AAK1: variants seen among roughly 807,000 people sequenced by gnomAD.
AAK1 encodes AP2 associated kinase 1.
A neutral mutation model predicts 116.0 loss-of-function variants in AAK1; 37 were observed. The ratio of observed to expected loss-of-function variants is 0.32; its 90% CI spans 0.25 to 0.42. The LOEUF is 0.42. Ranked by LOEUF, AAK1 falls within the 10% of genes least tolerant of loss-of-function variation. The pLI, the probability that AAK1 is intolerant of heterozygous loss-of-function variation, is 1.00. For missense variants in AAK1, 919 were observed against 1,170.6 expected (o/e 0.79, Z 3.14); for synonymous variants, 458 against 439.9 (o/e 1.04, Z -0.51).
At chr2:69,555,710 C>A (rs1054015950) in intron 3 of AAK1, among the ~76,000 whole-genome samples, 1 of 152,142 alleles carries the variant, frequency 6.6e-6, no homozygotes, top group African/African-American at 2.4e-5. Context: ...AAATAACTTA[C>A]TTCCTGATAG....
At chr2:69,490,426 T>A (rs561450438) in intron 17 of AAK1, among the ~76,000 whole-genome samples, 1 of 152,078 alleles carries the variant, frequency 6.6e-6, no homozygotes, top group African/African-American at 2.4e-5. Flanking sequence ...CATTAACAGA[T>A]GAAAGGAGAA....
In AAK1 at chr2:69,473,251, G is replaced by C. The variant is rs1422048927; in HGVS notation, c.*2618C>G. ...CCCGACCCTGTTCAATCCAGCTCAG[G>C]TCCCACACCTGTAAAATGAAGAGGA... On this transcript the variant is annotated 3_prime_UTR_variant, in exon 22 of 22. Transcript: ENST00000409085. 1 of 951,958 alleles carries C rather than the reference G, an allele frequency of 1.1e-6. No individual in the cohort carries two copies. Among genetic ancestry groups the C allele is most frequent in the East Asian group, 1.2e-4 (1 of 8,652 alleles). 59.0% of individuals were successfully genotyped at this position (951,958 alleles called of 1,614,324 possible).
At chr2:69,552,582 G>A (rs530070245) in intron 3 of AAK1, among the ~76,000 whole-genome samples, 4 of 151,984 alleles carry the variant, frequency 2.6e-5, no homozygotes, top group South Asian at 2.1e-4. Context: ...ATGGTGGCGC[G>A]TACCTGTACT....
intron 17 of AAK1, among the ~76,000 whole-genome samples, chr2:69,493,354 GCC>G (rs1314125642): frequency 7.9e-5 from 12 of 151,982 alleles, no homozygotes; most frequent in African/African-American, 2.9e-4. Flanking sequence ...ATTCTCATCA[GCC>G]CAGGGACTGG....
chr2:69,465,877 C>T lies in AAK1; in HGVS notation c.*9992G>A, dbSNP rs147076921. On this transcript the variant is annotated 3_prime_UTR_variant, in exon 22 of 22. Transcript: ENST00000409085. ...GTGTACACAGCTCTCTCACGGCCCG[C>T]GGGCAGGGGGACATCACCTGTCTGA... is the stretch of plus-strand genomic sequence containing the variant. 8.0e-4 allele frequency: 1,037 copies of T among 1,290,792 alleles called. 11 individuals carry two copies. In the African/African-American group the frequency reaches 0.014, roughly 17 times the overall value. The allele number at this position is 1,290,792 out of a possible 1,614,324, so 80.0% of individuals were successfully genotyped here.
At chr2:69,587,978 G>C in intron 2 of AAK1, among the ~76,000 whole-genome samples, 1 of 151,822 alleles carries the variant, frequency 6.6e-6, no homozygotes, top group East Asian at 1.9e-4. Flanking sequence ...GTCCAGGCTG[G>C]TCTTGAACCC....
At chr2:69,570,443 T>G (rs1672049151) in intron 2 of AAK1, among the ~76,000 whole-genome samples, 1 of 152,104 alleles carries the variant, frequency 6.6e-6, no homozygotes, top group South Asian at 2.1e-4. Flanking sequence ...ATTGTGATTA[T>G]CTTGGATGTG....
At chr2:69,595,135 T>C (rs1673213712) in intron 2 of AAK1, 1 of 496,808 alleles carries the variant, frequency 2.0e-6, no homozygotes, top group South Asian at 1.7e-5. Flanking sequence ...GTTTTTGAGA[T>C]GGAGTTTCAC....
intron 2 of AAK1, among the ~76,000 whole-genome samples, chr2:69,581,333 T>C (rs1048970164): frequency 6.6e-6 from 1 of 152,156 alleles, no homozygotes; most frequent in Non-Finnish European, 1.5e-5. Context: ...CCTGACCTCA[T>C]GATCCACCCA....
intron 5 of AAK1, among the ~76,000 whole-genome samples, chr2:69,535,428 G>C (rs1670422836): frequency 6.6e-6 from 1 of 152,092 alleles, no homozygotes; most frequent in African/African-American, 2.4e-5. Flanking sequence ...TAGGCTCTAG[G>C]GATAAGGCTG....
In AAK1 at chr2:69,479,026, A is replaced by G. The variant is rs776759563; in HGVS notation, c.2605T>C (p.Ser869Pro). Residue 869 changes from serine to proline, a missense_variant, in exon 20 of 22, where the codon TCT becomes CCT. Transcript: ENST00000409085. ...LTGEDSLLDC[S>P]LLSNPTTDLL... ...TCAGTAGTAGGGTTAGAGAGCAGAG[A>G]GCAATCAAGCAGGGAATCTTCCCCG... The G allele has an allele frequency of 6.2e-7, 1 of 1,613,896 alleles. No homozygotes were observed. Among genetic ancestry groups the G allele is most frequent in the South Asian group, 1.1e-5 (1 of 91,086 alleles).
intron 2 of AAK1, among the ~76,000 whole-genome samples, chr2:69,586,244 A>C (rs776462129): frequency 3.3e-5 from 5 of 152,204 alleles, no homozygotes; most frequent in Non-Finnish European, 7.3e-5. Flanking sequence ...CTTAAAAATG[A>C]ACTGAGAACA....
At chr2:69,627,222 G>A (rs566203553) in intron 2 of AAK1, among the ~76,000 whole-genome samples, 160 of 151,790 alleles carry the variant, frequency 1.1e-3, no homozygotes, top group Non-Finnish European at 1.9e-3. Flanking sequence ...CCAGGAGACG[G>A]AGGTTGCAGT....
At position 69,531,916 on chromosome 2, in the gene AAK1, C is replaced by T. The variant is rs1320587568; in HGVS notation, c.656+125G>A. On this transcript the variant is annotated intron_variant, in intron 6 of 21. Transcript: ENST00000409085. ...AAACAACCCAACTGTAAACATGATG[C>T]TCTGAGATGAAGGACAACTGACTAT... is the stretch of plus-strand genomic sequence containing the variant. 19 of 1,443,358 alleles carry T rather than the reference C, an allele frequency of 1.3e-5. No homozygotes were observed. The East Asian group carries it at 4.0e-4, about 30-fold the overall frequency. 89.4% of individuals were successfully genotyped at this position (1,443,358 alleles called of 1,614,324 possible). A position where few individuals can be genotyped will look rare whatever the true frequency, so the allele number is the denominator to read the frequency against.
intron 5 of AAK1, 130 bp downstream of exon 5, chr2:69,542,393 G>A (rs1038101003): frequency 8.7e-7 from 1 of 1,145,434 alleles, no homozygotes; most frequent in Middle Eastern, 2.1e-4. Context: ...CTCTCCTCAG[G>A]CAGAATATAA....
At chr2:69,586,424 G>A (rs116643772) in intron 2 of AAK1, among the ~76,000 whole-genome samples, 1 of 152,198 alleles carries the variant, frequency 6.6e-6, no homozygotes, top group African/African-American at 2.4e-5. Flanking sequence ...AGAGCTTCAG[G>A]AGCTCAAAGA....
Position 69,636,723 on chromosome 2 carries a change from G to A in AAK1, c.163+6155C>T, listed in dbSNP as rs1044276499. ...TCTTTTTCTTTTTTTTTTTTGAGAC[G>A]GAGACTCACTCTGTCACCCAGGCTG... On this transcript the variant is annotated intron_variant, in intron 2 of 21. Transcript: ENST00000409085. Among the ~76,000 whole-genome samples, 125 of 149,212 alleles carry A rather than the reference G, an allele frequency of 8.4e-4. 1 individual carries two copies. Among genetic ancestry groups the A allele is most frequent in the African/African-American group, 2.8e-3 (114 of 40,260 alleles).
At chr2:69,615,067 A>G (rs1391703506) in intron 2 of AAK1, among the ~76,000 whole-genome samples, 1 of 152,166 alleles carries the variant, frequency 6.6e-6, no homozygotes, top group African/African-American at 2.4e-5. Flanking sequence ...AGAAATTAAT[A>G]TGACCCCAAC....
chr2:69,504,138 T>G (rs931881537), intron 16 of AAK1, among the ~76,000 whole-genome samples: 4 of 152,256 alleles, frequency 2.6e-5, no homozygotes, highest in East Asian at 3.9e-4. Context: ...AGCTCATGCC[T>G]GTAATCCCAG....
Sources: gnomAD v4.1 joint callset for allele counts (sites outside exome capture counted in the v4.1 genomes callset) on GRCh38, gnomAD v4.1.1 for gene constraint, MANE v1.5 for transcripts, NCBI Gene and HGNC (gene_info 2026-07-23, HGNC 2026-07-21) for gene names.